Variants in ACIN1 observed in about 807,000 individuals in gnomAD.
The protein encoded by ACIN1 is apoptotic chromatin condensation inducer 1.
ACIN1 carries 16 observed loss-of-function variants against 146.6 expected under a neutral mutation model. The ratio of observed to expected loss-of-function variants is 0.11; its 90% confidence interval spans 0.07 to 0.17. ACIN1 has a LOEUF of 0.17. Among genes scored for constraint, ACIN1 ranks in the 10% least tolerant of loss-of-function variants. The probability of loss-of-function intolerance (pLI) is 1.00; values close to 1 mark genes in which losing one functional copy is unlikely to be tolerated. For synonymous variants in ACIN1, 569 were observed against 582.7 expected (o/e 0.98, Z 0.34); for missense variants, 1,357 against 1,609.3 (o/e 0.84, Z 2.68).
At chr14:23,081,512 C>T (rs1390787579) in intron 5 of ACIN1, among the ~76,000 whole-genome samples, 1 of 152,162 alleles carries the variant, frequency 6.6e-6, no homozygotes, top group Non-Finnish European at 1.5e-5. Flanking sequence ...TGCCTGTAAT[C>T]CCAATCCTTT....
chr14:23,073,664 A>G (rs1306141752), intron 8 of ACIN1, among the ~76,000 whole-genome samples: 2 of 152,158 alleles, frequency 1.3e-5, no homozygotes, highest in African/African-American at 4.8e-5. Context: ...ATCTCAAAAA[A>G]AGAAAAAAAT....
chr14:23,071,619 G>A (rs750674646), intron 8 of ACIN1: 70 of 1,476,590 alleles, frequency 4.7e-5, no homozygotes, highest in Non-Finnish European at 6.2e-5. Context: ...GCAGGGGAGG[G>A]GAAAGAAAAG....
At chr14:23,087,762 C>A (rs2048124921) in intron 4 of ACIN1, among the ~76,000 whole-genome samples, 1 of 152,008 alleles carries the variant, frequency 6.6e-6, no homozygotes, top group Admixed American at 6.6e-5. Context: ...TGTGTATCAC[C>A]CTCATCTACC....
At chr14:23,069,315 C>T in intron 9 of ACIN1, 161 bp downstream of exon 9, 2 of 1,336,848 alleles carry the variant, frequency 1.5e-6, no homozygotes, top group Non-Finnish European at 1.9e-6. Flanking sequence ...GTCTCCCTTG[C>T]TAAACCAGCG....
intron 4 of ACIN1, among the ~76,000 whole-genome samples, chr14:23,083,592 C>T (rs973710291): frequency 2.6e-5 from 4 of 152,046 alleles, no homozygotes; most frequent in Non-Finnish European, 4.4e-5. Flanking sequence ...ATTAGCCAGG[C>T]GTGGCGGCAG....
intron 8 of ACIN1, among the ~76,000 whole-genome samples, chr14:23,076,196 C>G (rs2047797134): frequency 6.6e-6 from 1 of 152,148 alleles, no homozygotes; most frequent in Non-Finnish European, 1.5e-5. Flanking sequence ...AGATCCAATG[C>G]CTATGGGTTT....
At chr14:23,063,632 C>T (rs1186711979) in intron 12 of ACIN1, 55 bp from the exon 13 acceptor site, 7 of 1,604,404 alleles carry the variant, frequency 4.4e-6, no homozygotes, top group African/African-American at 4.0e-5. Context: ...CTGGCATATT[C>T]TTTTCAGCCT....
Position 23,077,714 on chromosome 14 carries a change from TAACTAGGG to T in ACIN1, c.2123+429_2123+436del, listed in dbSNP as rs546907210. 6.7e-4 allele frequency: 104 copies of T among 155,694 alleles called. 1 individual carries two copies. In the East Asian group the frequency reaches 0.017, roughly 25 times the overall value. 9.6% of individuals were successfully genotyped at this position (155,694 alleles called of 1,614,324 possible). On this transcript the variant is annotated intron_variant, in intron 8 of 18. Transcript: ENST00000605057. ...ACTAGGATAGCTTAATGACAGGTAG[TAACTAGGG>T]AACTAGGGAAAATGCACAAACTAAA...
At position 23,080,770 on chromosome 14, in the gene ACIN1, C is replaced by T; in HGVS notation, c.565G>A (p.Glu189Lys). The T allele has an allele frequency of 2.5e-6, 4 of 1,611,918 alleles. No homozygotes were observed. Among genetic ancestry groups the T allele is most frequent in the African/African-American group, 2.7e-5 (2 of 74,934 alleles). The part of the protein sequence containing the change: ...AKLSEGSQPA[E>K]EEEDQETPSR... ...GGTGTTTCTTGATCCTCTTCCTCCT[C>T]AGCAGGTTGGCTGCCCTCAGACAGT... Residue 189 changes from glutamate (E) to lysine (K), a missense_variant, in exon 6 of 19, where the codon GAG becomes AAG. Transcript: ENST00000605057.
At chr14:23,065,516 G>C (rs986014996) in intron 10 of ACIN1, among the ~76,000 whole-genome samples, 2 of 152,206 alleles carry the variant, frequency 1.3e-5, no homozygotes, top group Non-Finnish European at 2.9e-5. Flanking sequence ...GGGACCCGGA[G>C]GCGGAGGTTG....
At chr14:23,083,901 T>C (rs8011045) in intron 4 of ACIN1, among the ~76,000 whole-genome samples, 72,985 of 151,902 alleles carry the variant, frequency 0.48, 18,637 homozygotes, top group African/African-American at 0.67. Context: ...ATAGTAATAG[T>C]GCAAATAAAG....
At chr14:23,070,024 C>T (rs956241216) in intron 8 of ACIN1, among the ~76,000 whole-genome samples, 7 of 152,080 alleles carry the variant, frequency 4.6e-5, no homozygotes, top group African/African-American at 1.7e-4. Context: ...CCAAAGGCAC[C>T]TTTATATGGC....
At chr14:23,081,224 T>C (rs1205473250) in intron 5 of ACIN1, among the ~76,000 whole-genome samples, 1 of 151,788 alleles carries the variant, frequency 6.6e-6, no homozygotes, top group East Asian at 1.9e-4. Context: ...ACAGTCATAA[T>C]TACACTACAC....
chr14:23,085,330 A>G (rs1443757564), intron 4 of ACIN1, among the ~76,000 whole-genome samples: 1 of 152,194 alleles, frequency 6.6e-6, no homozygotes, highest in African/African-American at 2.4e-5. Flanking sequence ...GCGAGACTCC[A>G]TCTCAAAAAA....
chr14:23,069,520 C>A lies in ACIN1; in HGVS notation c.2221G>T (p.Asp741Tyr), dbSNP rs2047562000. 3 of 1,614,074 alleles carry A rather than the reference C, an allele frequency of 1.9e-6. No homozygotes were observed. Among genetic ancestry groups the A allele is most frequent in the African/African-American group, 1.3e-5 (1 of 75,034 alleles). Residue 741 changes from aspartate to tyrosine, a missense_variant, in exon 9 of 19, where the codon GAT becomes TAT. Coordinates refer to ENST00000605057, the MANE Select transcript of ACIN1 (RefSeq NM_001386863.1). The part of the protein sequence containing the change: ...PMPIADQVSN[D>Y]DRPEGSVEDE... ...TCAACACTGCCCTCCGGGCGGTCAT[C>A]ATTGCTGACTTGGTCTGCAATAGGC...
intron 2 of ACIN1, among the ~76,000 whole-genome samples, chr14:23,091,587 A>G (rs1025823518): frequency 4.7e-5 from 7 of 149,010 alleles, no homozygotes; most frequent in African/African-American, 2.5e-5. Context: ...AAAAAAAGCC[A>G]GTTCCTCCAA....
At chr14:23,095,528 T>C (rs571099345), upstream of ACIN1, 319 of 529,950 alleles carry the variant, frequency 6.0e-4, no homozygotes, top group East Asian at 9.8e-3. Context: ...CTGGCCCAGC[T>C]TAGGGTTTTC....
chr14:23,060,652 C>T (rs146892725), intron 18 of ACIN1, among the ~76,000 whole-genome samples: 1,553 of 152,226 alleles, frequency 0.01, 29 homozygotes, highest in African/African-American at 0.035. Flanking sequence ...GCTGGGATTA[C>T]GGGCGCTTGC....
chr14:23,090,617 C>A lies in ACIN1; in HGVS notation c.221G>T (p.Ser74Ile), dbSNP rs755847630. Residue 74 changes from serine to isoleucine, a missense_variant, in exon 3 of 19, where the codon AGC (serine) becomes ATC (isoleucine). Around this residue, in one of 4 missense-constraint regions of ACIN1, gnomAD observed 55 missense variants for 123.9 expected, o/e 0.44. Coordinates refer to ENST00000605057, the MANE Select transcript of ACIN1 (RefSeq NM_001386863.1). ...QPNSQIGEEM[S>I]QNSFIKQYLE... ...ATACTGTTTTATGAAACTGTTCTGG[C>A]TCATTTCCTCACCAATCTGTGTAGA... 1 of 1,613,828 alleles carries A rather than the reference C, an allele frequency of 6.2e-7. No homozygotes were observed. The highest frequency in any genetic ancestry group is 1.7e-5 in the Admixed American group (1 of 60,030).
Sources: allele counts gnomAD v4.1 joint callset (sites outside exome capture counted in the v4.1 genomes callset), GRCh38; gene constraint gnomAD v4.1.1; regional missense constraint gnomAD v4.1.1; transcripts MANE v1.5; gene names NCBI Gene and HGNC (gene_info 2026-07-23, HGNC 2026-07-21).